LRRC8D: variants seen among roughly 807,000 people sequenced by gnomAD.
The protein encoded by LRRC8D is volume-regulated anion channel subunit LRRC8D.
Under a neutral mutation model 55.8 loss-of-function variants are expected in LRRC8D, and 20 were observed. The observed-to-expected ratio is 0.36, with a 90% CI of 0.25 to 0.52. The LOEUF is 0.52. Among genes scored for constraint, LRRC8D ranks in the 20% least tolerant of loss-of-function variants. LRRC8D has a pLI of 0.93. For missense variants in LRRC8D, 651 were observed against 1,030.8 expected (o/e 0.63, Z 5.05); for synonymous variants, 352 against 377.0 (o/e 0.93, Z 0.77).
At chr1:89,875,869 C>T (rs946148530) in intron 2 of LRRC8D, among the ~76,000 whole-genome samples, 4 of 152,110 alleles carry the variant, frequency 2.6e-5, no homozygotes, top group Middle Eastern at 3.2e-3. Flanking sequence ...GAGGAACTTC[C>T]GCAAGGTCAC....
chr1:89,821,716 C>T lies in LRRC8D; in HGVS notation c.-148+425C>T, dbSNP rs571961125. 3.8e-3 allele frequency among the ~76,000 whole-genome samples: 585 copies of T among 152,184 alleles called. 2 individuals carry two copies. Among genetic ancestry groups the T allele is most frequent in the South Asian group, 7.9e-3 (38 of 4,834 alleles). ...TGTTTGGTGTCTGGCCTTGCTGGCCCGGCGTCCAAAGGTGAGCCCTTTAAC... is the reference window on the plus strand; with the variant it reads ...TGTTTGGTGTCTGGCCTTGCTGGCCTGGCGTCCAAAGGTGAGCCCTTTAAC... On this transcript the variant is annotated intron_variant, in intron 1 of 2. Transcript: ENST00000337338.
intron 2 of LRRC8D, among the ~76,000 whole-genome samples, chr1:89,851,845 G>T (rs1242932589): frequency 6.6e-6 from 1 of 152,158 alleles, no homozygotes; most frequent in East Asian, 1.9e-4. Context: ...AAACCATGTT[G>T]TGTACATAGC....
At chr1:89,895,457 C>G (rs534850541) in intron 2 of LRRC8D, among the ~76,000 whole-genome samples, 1 of 152,166 alleles carries the variant, frequency 6.6e-6, no homozygotes. Context: ...TGTGCAAACT[C>G]AAAACACTGT....
At chr1:89,833,575 T>G (rs1255444006) in intron 1 of LRRC8D, 1 of 152,254 alleles carries the variant, frequency 6.6e-6, no homozygotes, top group African/African-American at 2.4e-5. Context: ...CAGCACTCTC[T>G]TTTGTGGACT....
intron 2 of LRRC8D, among the ~76,000 whole-genome samples, chr1:89,890,529 A>G (rs550743232): frequency 6.6e-6 from 1 of 152,288 alleles, no homozygotes; most frequent in South Asian, 2.1e-4. Flanking sequence ...GCCTCTCCGT[A>G]TCCCCTTTAT....
At chr1:89,860,874 C>T (rs1661703076) in intron 2 of LRRC8D, among the ~76,000 whole-genome samples, 1 of 141,104 alleles carries the variant, frequency 7.1e-6, no homozygotes, top group African/African-American at 2.6e-5. Flanking sequence ...TAACGTTCTC[C>T]ATTCCCCCTT....
chr1:89,885,921 G>A (rs1424909329), intron 2 of LRRC8D, among the ~76,000 whole-genome samples: 1 of 152,168 alleles, frequency 6.6e-6, no homozygotes, highest in Admixed American at 6.5e-5. Context: ...AACCTGATGT[G>A]TCTTGGACCT....
chr1:89,915,538 A>G (rs1383411250), intron 2 of LRRC8D, among the ~76,000 whole-genome samples: 2 of 152,240 alleles, frequency 1.3e-5, no homozygotes, highest in Non-Finnish European at 2.9e-5. Flanking sequence ...ATGATATTTT[A>G]GGCTGGAATT....
intron 2 of LRRC8D, among the ~76,000 whole-genome samples, chr1:89,856,767 G>A (rs1661564852): frequency 1.3e-5 from 2 of 152,118 alleles, no homozygotes; most frequent in South Asian, 2.1e-4. Context: ...TTTAATTGGT[G>A]TGTTTAGGTA....
At chr1:89,920,258 G>C (rs1663376267) in intron 2 of LRRC8D, among the ~76,000 whole-genome samples, 1 of 152,064 alleles carries the variant, frequency 6.6e-6, no homozygotes, top group Non-Finnish European at 1.5e-5. Flanking sequence ...CACTACACTA[G>C]GAAGAAATCC....
chr1:89,925,126 G>A (rs963001853), intron 2 of LRRC8D, among the ~76,000 whole-genome samples: 2 of 152,142 alleles, frequency 1.3e-5, no homozygotes, highest in South Asian at 2.1e-4. Flanking sequence ...TGACATTACT[G>A]CCTTAGCTCT....
chr1:89,923,444 C>G (rs1228131771), intron 2 of LRRC8D, among the ~76,000 whole-genome samples: 2 of 152,162 alleles, frequency 1.3e-5, no homozygotes, highest in African/African-American at 2.4e-5. Context: ...AGGTGCTGAT[C>G]CCTTCTCTCA....
intron 2 of LRRC8D, among the ~76,000 whole-genome samples, chr1:89,855,664 C>T (rs989869327): frequency 2.6e-5 from 4 of 152,194 alleles, no homozygotes; most frequent in Non-Finnish European, 5.9e-5. Context: ...ATACAATTGC[C>T]TCTCCACCTC....
chr1:89,910,121 T>C (rs190674259), intron 2 of LRRC8D, among the ~76,000 whole-genome samples: 1 of 152,314 alleles, frequency 6.6e-6, no homozygotes, highest in East Asian at 1.9e-4. Context: ...CTTCACAGCC[T>C]AAATTTAGTG....
chr1:89,915,977 C>T (rs1663257008), intron 2 of LRRC8D, among the ~76,000 whole-genome samples: 5 of 152,084 alleles, frequency 3.3e-5, no homozygotes, highest in Admixed American at 2.6e-4. Flanking sequence ...ACAAAAAAGT[C>T]TCACAAAAAA....
At chr1:89,891,989 G>A (rs892929490) in intron 2 of LRRC8D, among the ~76,000 whole-genome samples, 2 of 152,132 alleles carry the variant, frequency 1.3e-5, no homozygotes, top group African/African-American at 4.8e-5. Context: ...CATGTATAAT[G>A]TCCATCACAT....
intron 1 of LRRC8D, among the ~76,000 whole-genome samples, chr1:89,823,088 T>G (rs1660679310): frequency 6.6e-6 from 1 of 152,236 alleles, no homozygotes; most frequent in Non-Finnish European, 1.5e-5. Context: ...TATTTATATA[T>G]TTGAACACTA....
Position 89,933,223 on chromosome 1 carries a change from T to G in LRRC8D, c.155T>G (p.Val52Gly). Reference sequence around the variant, plus strand: ...ACCATGCAACTTACCAAAGATCAGGTGGTCTGTTTGCCAGTATTGCCATCT... The same window carrying G: ...ACCATGCAACTTACCAAAGATCAGGGGGTCTGTTTGCCAGTATTGCCATCT... ...AGTMQLTKDQ[V>G]VCLPVLPSPV... Residue 52 changes from valine to glycine, a missense_variant, in exon 3 of 3, where the codon GTG becomes GGG. This residue lies in a region of LRRC8D where 118 missense variants were observed against 138.0 expected (regional missense o/e 0.85). Transcript: ENST00000337338. The surrounding 1 kb of genome is among the most constrained non-coding windows in gnomAD (Gnocchi z 7.0). 6.2e-7 allele frequency: 1 copy of G among 1,614,182 alleles called. No homozygotes were observed. Among genetic ancestry groups the G allele is most frequent in the Non-Finnish European group, 8.5e-7 (1 of 1,180,032 alleles).
intron 2 of LRRC8D, among the ~76,000 whole-genome samples, chr1:89,875,316 A>G (rs953869399): frequency 6.6e-6 from 1 of 152,202 alleles, no homozygotes; most frequent in African/African-American, 2.4e-5. Context: ...ACAAAATATC[A>G]TAATAGGTGT....
Sources: allele counts gnomAD v4.1 joint callset (sites outside exome capture counted in the v4.1 genomes callset), GRCh38; gene constraint gnomAD v4.1.1; regional missense constraint gnomAD v4.1.1; non-coding constraint Gnocchi (gnomAD v3.1); transcripts MANE v1.5; gene names NCBI Gene and HGNC (gene_info 2026-07-23, HGNC 2026-07-21).